Variants in PRPSAP1 observed in about 807,000 individuals in gnomAD.
The protein encoded by PRPSAP1 is phosphoribosyl pyrophosphate synthase-associated protein 1.
Under a neutral mutation model 39.4 loss-of-function variants are expected in PRPSAP1, and 31 were observed. That is an observed-to-expected ratio of 0.79 (90% confidence interval 0.59 to 1.06). The LOEUF is 1.06. Ranked by LOEUF, PRPSAP1 falls within the 50% of genes least tolerant of loss-of-function variation. The pLI, the probability that PRPSAP1 is intolerant of heterozygous loss-of-function variation, is 0.00. For synonymous variants in PRPSAP1, 212 were observed against 192.6 expected (o/e 1.10, Z -0.83); for missense variants, 430 against 511.6 (o/e 0.84, Z 1.54).
At position 76,313,837 on chromosome 17, in the gene PRPSAP1, C is replaced by T. The variant is rs756361339; in HGVS notation, c.836G>A (p.Arg279His). 5 of 1,613,990 alleles carry T rather than the reference C, an allele frequency of 3.1e-6. No individual in the cohort carries two copies. The highest frequency in any genetic ancestry group is 2.7e-5 in the African/African-American group (2 of 74,918). ...TAACCATACCACGATGATTGCGATG[C>T]GGCCTCCAACATCTCCAACTACAGT... ...PITVVGDVGG[R>H]IAIIVDDIID... The change falls in exon 8 of 10, where the codon CGC (arginine) becomes CAC (histidine). Residue 279 changes from arginine to histidine, a missense_variant. Transcript: ENST00000446526.
chr17:76,314,094 T>A (rs1022292991), intron 7 of PRPSAP1: 2 of 577,420 alleles, frequency 3.5e-6, no homozygotes, highest in Admixed American at 3.0e-5. Context: ...ATGCCATACA[T>A]GTTACTTTGA....
intron 9 of PRPSAP1, 39 bp from the exon 10 acceptor site, chr17:76,311,739 A>G: frequency 6.3e-7 from 1 of 1,591,082 alleles, no homozygotes; most frequent in Non-Finnish European, 8.6e-7. Flanking sequence ...CTGTTACTGA[A>G]GTCTGTTCTC....
intron 7 of PRPSAP1, among the ~76,000 whole-genome samples, chr17:76,314,866 G>C (rs2071106564): frequency 6.6e-6 from 1 of 152,208 alleles, no homozygotes; most frequent in South Asian, 2.1e-4. Flanking sequence ...GTGCTGTGTG[G>C]ATAGAAACCC....
chr17:76,342,734 A>G (rs533705742), intron 3 of PRPSAP1, among the ~76,000 whole-genome samples: 12 of 151,396 alleles, frequency 7.9e-5, no homozygotes, highest in African/African-American at 2.4e-4. Context: ...AAAAAAAAAA[A>G]AAAGAAAGTC....
Position 76,353,817 on chromosome 17 carries a change from G to A in PRPSAP1, c.-114C>T. The A allele has an allele frequency of 2.2e-6, 3 of 1,386,658 alleles. No homozygotes were observed. Among genetic ancestry groups the A allele is most frequent in the Admixed American group, 3.5e-5 (1 of 28,684 alleles). 85.9% of individuals were successfully genotyped at this position (1,386,658 alleles called of 1,614,324 possible). A position where few individuals can be genotyped will look rare whatever the true frequency, so the allele number is the denominator to read the frequency against. ...AGGCGCTGAGAAACTCGGCGCAAGC[G>A]GGGAGAGCTCCGAGGTCCGTGCCCT... On this transcript the variant is annotated 5_prime_UTR_variant, in exon 1 of 10. Transcript: ENST00000446526.
At chr17:76,342,332 T>G (rs1036932615) in intron 3 of PRPSAP1, among the ~76,000 whole-genome samples, 4 of 152,186 alleles carry the variant, frequency 2.6e-5, no homozygotes, top group African/African-American at 9.6e-5. Context: ...AATCTCATCA[T>G]AGTGAAAGAG....
chr17:76,333,077 G>C (rs1355327067), intron 3 of PRPSAP1, among the ~76,000 whole-genome samples: 1 of 151,518 alleles, frequency 6.6e-6, no homozygotes, highest in Non-Finnish European at 1.5e-5. Context: ...ATTTTTAGTA[G>C]AGACGGGGTT....
chr17:76,314,209 T>C, intron 7 of PRPSAP1: 1 of 279,352 alleles, frequency 3.6e-6, no homozygotes, highest in South Asian at 3.8e-5. Flanking sequence ...AAAATGTATG[T>C]ATGTATGTAT....
Position 76,310,235 on chromosome 17 carries a change from G to A in PRPSAP1, c.*1307C>T, listed in dbSNP as rs2143436602. ...TGGTCTCAAACTCCTGACCTCAAGTGATCTGCCCACCTCGGCCTCCCAAAG... is the reference window on the plus strand; with the variant it reads ...TGGTCTCAAACTCCTGACCTCAAGTAATCTGCCCACCTCGGCCTCCCAAAG... On this transcript the variant is annotated 3_prime_UTR_variant, in exon 10 of 10. Coordinates refer to ENST00000446526, the MANE Select transcript of PRPSAP1 (RefSeq NM_002766.3). 6.7e-6 allele frequency: 1 copy of A among 148,338 alleles called. No individual in the cohort carries two copies. The highest frequency in any genetic ancestry group is 2.6e-5 in the African/African-American group (1 of 38,618). The allele number at this position is 148,338 out of a possible 1,614,324, so 9.2% of individuals were successfully genotyped here.
chr17:76,328,137 T>C (rs1248216945), intron 7 of PRPSAP1, among the ~76,000 whole-genome samples: 2 of 146,460 alleles, frequency 1.4e-5, no homozygotes, highest in East Asian at 2.0e-4. Context: ...AAGGCTGCAG[T>C]GAGCCATGAC....
At chr17:76,317,093 A>C (rs1344357572) in intron 7 of PRPSAP1, among the ~76,000 whole-genome samples, 2 of 152,236 alleles carry the variant, frequency 1.3e-5, no homozygotes, top group Non-Finnish European at 2.9e-5. Flanking sequence ...GCTGGGCATG[A>C]TGGCTCACGC....
chr17:76,348,545 A>G lies in PRPSAP1; in HGVS notation c.207T>C (p.Tyr69=). ...LGAELGKSVV[Y]QETNGETRVE... is the part of the protein sequence containing the mutation. ...TTAACTTACCTCCATTGGTCTCTTG[A>G]TATACAACAGACTTCCCCAATTCAG... Residue 69 remains tyrosine, a synonymous_variant, in exon 2 of 10, where the codon TAT becomes TAC. Coordinates refer to ENST00000446526, the MANE Select transcript of PRPSAP1 (RefSeq NM_002766.3). The G allele has an allele frequency of 6.6e-7, 1 of 1,516,252 alleles. No individual in the cohort carries two copies. Among genetic ancestry groups the G allele is most frequent in the Non-Finnish European group, 8.8e-7 (1 of 1,141,704 alleles). 93.9% of individuals were successfully genotyped at this position (1,516,252 alleles called of 1,614,324 possible).
chr17:76,323,552 G>C (rs1301438527), intron 7 of PRPSAP1, among the ~76,000 whole-genome samples: 2 of 152,080 alleles, frequency 1.3e-5, no homozygotes, highest in African/African-American at 4.8e-5. Context: ...TGACTCTGAG[G>C]AGTTCAGGGC....
At chr17:76,353,407 T>C (rs763825576) in intron 1 of PRPSAP1, 127 bp downstream of exon 1, 18 of 961,178 alleles carry the variant, frequency 1.9e-5, no homozygotes, top group Non-Finnish European at 2.3e-5. Context: ...TTTGTCCGGC[T>C]GGGAAGGCCC....
In PRPSAP1 at chr17:76,322,743, C is replaced by T. The variant is rs117753121; in HGVS notation, c.781+5974G>A. ...GCTCATACCTCTAATCCTAGCACTT[C>T]GGGAGGCCAAGATGGGTTGACTGCT... On this transcript the variant is annotated intron_variant, in intron 7 of 9. Coordinates refer to ENST00000446526, the MANE Select transcript of PRPSAP1 (RefSeq NM_002766.3). Among the ~76,000 whole-genome samples the T allele has an allele frequency of 4.1e-3, 624 of 152,108 alleles. 25 individuals are homozygous for T. The East Asian group carries it at 0.097, about 24-fold the overall frequency.
chr17:76,322,693 A>G (rs1346924148), intron 7 of PRPSAP1, among the ~76,000 whole-genome samples: 1 of 152,096 alleles, frequency 6.6e-6, no homozygotes, highest in Non-Finnish European at 1.5e-5. Flanking sequence ...ATTTCTAAAA[A>G]TTAGCTGGGT....
At chr17:76,350,304 T>C (rs1400372956) in intron 1 of PRPSAP1, among the ~76,000 whole-genome samples, 2 of 151,288 alleles carry the variant, frequency 1.3e-5, no homozygotes, top group African/African-American at 4.9e-5. Flanking sequence ...CCGGGCGTGG[T>C]GGAGGGCGCC....
chr17:76,344,136 G>T (rs999803610), intron 3 of PRPSAP1, among the ~76,000 whole-genome samples: 1 of 145,536 alleles, frequency 6.9e-6, no homozygotes, highest in Non-Finnish European at 1.5e-5. Context: ...CATTTATTTT[G>T]TTTTTTTTTG....
In PRPSAP1 at chr17:76,311,650, G is replaced by C; in HGVS notation, c.1050C>G (p.Pro350=). 1 of 1,614,076 alleles carries C rather than the reference G, an allele frequency of 6.2e-7. No individual in the cohort carries two copies. Among genetic ancestry groups the C allele is most frequent in the Non-Finnish European group, 8.5e-7 (1 of 1,179,992 alleles). Residue 350 remains proline (P), a synonymous_variant, in exon 10 of 10, where the codon CCC becomes CCG. Transcript: ENST00000446526. ...AACTGATATCCACAGTCTTTATCTT[G>C]GGACATTGCAGCTTCTGAACCTCAT... ...VPHEVQKLQC[P]KIKTVDISLI...
Sources: gnomAD v4.1 joint callset for allele counts (sites outside exome capture counted in the v4.1 genomes callset) on GRCh38, gnomAD v4.1.1 for gene constraint, MANE v1.5 for transcripts, NCBI Gene and HGNC (gene_info 2026-07-23, HGNC 2026-07-21) for gene names.